Variants in DYSF observed in about 807,000 individuals in gnomAD.
DYSF encodes the protein dystrophy-associated fer-1-like 1.
In DYSF, 212 loss-of-function variants were observed where a neutral mutation model predicts 274.9. The observed-to-expected ratio is 0.77, with a 90% CI of 0.69 to 0.86. The LOEUF (loss-of-function observed/expected upper bound fraction) is 0.86. DYSF is among the 40% of genes least tolerant of loss of function. DYSF has a pLI of 0.00. For missense variants in DYSF, 2,666 were observed against 2,783.2 expected, an observed-to-expected ratio of 0.96 and a Z score of 0.95; for synonymous variants, 1,091 against 1,078.7, an observed-to-expected ratio of 1.01 and a Z score of -0.22.
In DYSF at chr2:71,615,189, G is replaced by A. The variant is rs1010276223; in HGVS notation, c.4464+1779G>A. 5.9e-5 allele frequency among the ~76,000 whole-genome samples: 9 copies of A among 152,208 alleles called. No individual in the cohort carries two copies. Among genetic ancestry groups the A allele is most frequent in the African/African-American group, 9.6e-5 (4 of 41,460 alleles). ...GGCCCAGCCTGGCCATCCTCCCGGC[G>A]TTGACATGAGGGAACTGGGGCTGGG... On this transcript the variant is annotated intron_variant, in intron 40 of 55. Coordinates refer to ENST00000410020, the MANE Select transcript of DYSF (RefSeq NM_001130987.2). The surrounding 1 kb of genome is among the most constrained non-coding windows in gnomAD (Gnocchi z 4.9).
At chr2:71,514,983 CAGTT>C (rs1029136657) in intron 7 of DYSF, among the ~76,000 whole-genome samples, 1 of 147,886 alleles carries the variant, frequency 6.8e-6, no homozygotes, top group Non-Finnish European at 1.5e-5. Flanking sequence ...AAAAAAAAAA[CAGTT>C]GGTCAGTAAA....
At position 71,480,942 on chromosome 2, in the gene DYSF, T is replaced by C. The variant is rs2082833122; in HGVS notation, c.147+4T>C. 5 of 1,613,880 alleles carry C rather than the reference T, an allele frequency of 3.1e-6. No homozygotes were observed. Among genetic ancestry groups the C allele is most frequent in the Non-Finnish European group, 4.2e-6 (5 of 1,179,740 alleles). ...CGTGAACCCTGTATGGAATGAGGTA[T>C]GTGAGTTTTTCTCCTTCCTTTTCTC... On this transcript the variant is annotated splice_donor_region_variant and intron_variant, in intron 2 of 55. Transcript: ENST00000410020.
At chr2:71,475,222 C>A (rs2082314482) in intron 1 of DYSF, among the ~76,000 whole-genome samples, 1 of 152,196 alleles carries the variant, frequency 6.6e-6, no homozygotes, top group Non-Finnish European at 1.5e-5. Flanking sequence ...GACAAACAGC[C>A]ACACCATGAA....
chr2:71,610,544 C>G (rs1558611383), intron 36 of DYSF, among the ~76,000 whole-genome samples: 1 of 152,208 alleles, frequency 6.6e-6, no homozygotes, highest in African/African-American at 2.4e-5. Context: ...TCCTGCCCAA[C>G]TCTTTCTGGC....
intron 40 of DYSF, among the ~76,000 whole-genome samples, chr2:71,618,172 TAGAG>T (rs1489307443): frequency 6.3e-4 from 31 of 49,490 alleles, no homozygotes; most frequent in South Asian, 2.2e-3. Flanking sequence ...GTGTGTGTGG[TAGAG>T]GTGGGGTATA....
chr2:71,589,848 C>T (rs1188792410), intron 31 of DYSF, among the ~76,000 whole-genome samples, 162 bp downstream of exon 31: 5 of 152,018 alleles, frequency 3.3e-5, no homozygotes, highest in South Asian at 2.1e-4. Context: ...TGTGTGTGCG[C>T]GCGTGCGTGC....
intron 42 of DYSF, among the ~76,000 whole-genome samples, chr2:71,653,646 T>C (rs903396810): frequency 9.0e-6 from 1 of 111,330 alleles, no homozygotes; most frequent in African/African-American, 3.5e-5. Flanking sequence ...AACATCACAC[T>C]CTGGGGCCTG....
intron 3 of DYSF, among the ~76,000 whole-genome samples, chr2:71,495,257 A>G (rs951582120): frequency 2.0e-5 from 3 of 152,158 alleles, no homozygotes; most frequent in South Asian, 2.1e-4. Context: ...TATTTGTTGA[A>G]TGAATGAATG....
rs1022762891 is a variant in DYSF, at chr2:71,591,043, A to G, written c.3574+755A>G. ...TGACAGATAACCTCCAACTCAGCAC[A>G]GCAGACAAGTCCCTTGTGATGTAAC... On this transcript the variant is annotated intron_variant, in intron 32 of 55. Transcript: ENST00000410020. 2.0e-5 allele frequency among the ~76,000 whole-genome samples: 3 copies of G among 152,332 alleles called. 1 individual carries two copies.
At chr2:71,591,419 G>A (rs9973733) in intron 32 of DYSF, among the ~76,000 whole-genome samples, 15 of 152,318 alleles carry the variant, frequency 9.8e-5, no homozygotes, top group East Asian at 1.9e-4. Flanking sequence ...AAATGGTCTC[G>A]TCTTACTTTG....
chr2:71,532,812 A>C (rs2088884402), intron 14 of DYSF, among the ~76,000 whole-genome samples: 1 of 150,188 alleles, frequency 6.7e-6, no homozygotes, highest in African/African-American at 2.4e-5. Flanking sequence ...CTAATTTTTG[A>C]ATTAGGTAGT....
At chr2:71,466,681 C>T (rs2081554641), upstream of DYSF, 9 of 1,357,556 alleles carry the variant, frequency 6.6e-6, no homozygotes, top group East Asian at 5.7e-5. Context: ...TCCCTGCAGC[C>T]TCTCCCAGGC....
chr2:71,608,110 G>A (rs1471005606), intron 36 of DYSF, among the ~76,000 whole-genome samples: 1 of 152,006 alleles, frequency 6.6e-6, no homozygotes, highest in Non-Finnish European at 1.5e-5. Flanking sequence ...GTGTCCTTCG[G>A]GTAGGGGACT....
intron 17 of DYSF, among the ~76,000 whole-genome samples, chr2:71,543,668 C>T (rs1397026686): frequency 2.0e-5 from 3 of 152,182 alleles, no homozygotes; most frequent in Non-Finnish European, 4.4e-5. Flanking sequence ...GAGACCAGCC[C>T]GGCCAACACA....
At chr2:71,597,198 T>C (rs1486215142) in intron 32 of DYSF, among the ~76,000 whole-genome samples, 11 of 152,212 alleles carry the variant, frequency 7.2e-5, no homozygotes, top group Admixed American at 7.2e-4. Flanking sequence ...CCATTACCTC[T>C]GAGGCCACTG....
intron 17 of DYSF, chr2:71,549,500 T>G: frequency 9.3e-7 from 1 of 1,078,352 alleles, no homozygotes; most frequent in Non-Finnish European, 1.4e-6. Context: ...GAGGTGGGAT[T>G]GAGATTCCCC....
chr2:71,458,287 AT>A (rs570569322), intron 1 of DYSF, among the ~76,000 whole-genome samples: 92 of 152,346 alleles, frequency 6.0e-4, no homozygotes, highest in African/African-American at 1.9e-3. Flanking sequence ...TATTATAATC[AT>A]TACTATTAAC....
At position 71,471,519 on chromosome 2, in the gene DYSF, C is replaced by T. The variant is rs118064044; in HGVS notation, c.91+4586C>T. Among the ~76,000 whole-genome samples the T allele has an allele frequency of 7.9e-4, 121 of 152,310 alleles. 2 individuals carry two copies. The East Asian group carries it at 0.023, about 28-fold the overall frequency. On this transcript the variant is annotated intron_variant, in intron 1 of 55. Transcript: ENST00000410020. ...GATTCAGCCCACATAGTAATCATGC[C>T]ACGGTTGAGAATAAATATGTGTGTG...
intron 52 of DYSF, among the ~76,000 whole-genome samples, chr2:71,676,141 C>T (rs1157616878): frequency 6.6e-6 from 1 of 152,110 alleles, no homozygotes; most frequent in Non-Finnish European, 1.5e-5. Flanking sequence ...TATGCACATC[C>T]TTCGATCCTT....
Sources: gnomAD v4.1 joint callset for allele counts (sites outside exome capture counted in the v4.1 genomes callset) on GRCh38, gnomAD v4.1.1 for gene constraint, Gnocchi (gnomAD v3.1) non-coding constraint, MANE v1.5 for transcripts, NCBI Gene and HGNC (gene_info 2026-07-23, HGNC 2026-07-21) for gene names.